Variants in MAGI1 observed in about 807,000 individuals in gnomAD.
MAGI1 encodes the protein membrane associated guanylate kinase, WW and PDZ domain containing 1.
A neutral mutation model predicts 139.9 loss-of-function variants in MAGI1; 58 were observed. That is an observed-to-expected ratio of 0.41 (90% CI 0.34 to 0.52). MAGI1 has a LOEUF of 0.52. Ranked by LOEUF, MAGI1 falls within the 20% of genes least tolerant of loss-of-function variation. The probability of loss-of-function intolerance (pLI) is 0.12; values close to 1 mark genes in which losing one functional copy is unlikely to be tolerated. For synonymous variants in MAGI1, 812 were observed against 737.9 expected (o/e 1.10, Z -1.63); for missense variants, 1,874 against 1,901.6 (o/e 0.99, Z 0.27).
At chr3:65,685,539 T>C (rs1162326451) in intron 1 of MAGI1, among the ~76,000 whole-genome samples, 1 of 152,224 alleles carries the variant, frequency 6.6e-6, no homozygotes, top group East Asian at 1.9e-4. Flanking sequence ...ACACACAATG[T>C]CAAAGAACGT....
chr3:65,783,803 C>A (rs1366395948), intron 1 of MAGI1, among the ~76,000 whole-genome samples: 14 of 129,800 alleles, frequency 1.1e-4, no homozygotes, highest in Admixed American at 2.4e-4. Flanking sequence ...CAGCCTGTAC[C>A]AAAAAAAAAA....
Position 65,437,163 on chromosome 3 carries a change from G to A in MAGI1, c.1355C>T (p.Pro452Leu). ...AAAGACAAGTACTTTACCCTGAAGT[G>A]GAACTTCTCTGGCTGGCTCTGGATT... ...PSNPEPAREV[P>L]LQGKPFFTRN... The change falls in exon 10 of 23, where the codon CCA becomes CTA. Residue 452 changes from proline (P) to leucine (L), a missense_variant. Physicochemically the swap from Pro to Leu is moderately conservative, Grantham distance 98 (BLOSUM62 -3). Transcript: ENST00000402939. 6.2e-7 allele frequency: 1 copy of A among 1,602,554 alleles called. No individual in the cohort carries two copies. Among genetic ancestry groups the A allele is most frequent in the East Asian group, 2.2e-5 (1 of 44,740 alleles).
At chr3:65,950,068 A>AAAAAAAAAC (rs2063738591) in intron 1 of MAGI1, among the ~76,000 whole-genome samples, 4 of 4,816 alleles carry the variant, frequency 8.3e-4, no homozygotes, top group Admixed American at 4.4e-3. Context: ...ACAAAAAAAC[A>AAAAAAAAAC]AAAAAAAAAC....
chr3:65,621,407 G>C (rs770953458), intron 2 of MAGI1, among the ~76,000 whole-genome samples: 21 of 152,196 alleles, frequency 1.4e-4, no homozygotes, highest in Admixed American at 3.9e-4. Context: ...ATGGTTTGGG[G>C]GTTTGGATTT....
chr3:65,558,836 A>G (rs1372549867), intron 2 of MAGI1, among the ~76,000 whole-genome samples: 1 of 152,220 alleles, frequency 6.6e-6, no homozygotes, highest in African/African-American at 2.4e-5. Flanking sequence ...TATGTCACCT[A>G]AAACCCCTTC....
At chr3:65,692,393 T>C (rs1341498908) in intron 1 of MAGI1, among the ~76,000 whole-genome samples, 1 of 152,180 alleles carries the variant, frequency 6.6e-6, no homozygotes, top group Non-Finnish European at 1.5e-5. Flanking sequence ...CCTCCCCTCA[T>C]GTTATGGGTG....
chr3:65,772,813 G>T (rs922485189), intron 1 of MAGI1, among the ~76,000 whole-genome samples: 2 of 152,198 alleles, frequency 1.3e-5, no homozygotes, highest in African/African-American at 4.8e-5. Context: ...TACTGCACAG[G>T]CTGATGAGAA....
intron 2 of MAGI1, among the ~76,000 whole-genome samples, chr3:65,584,831 A>T (rs368033214): frequency 3.4e-4 from 52 of 152,210 alleles, no homozygotes; most frequent in African/African-American, 1.1e-3. Flanking sequence ...TCATTCATTT[A>T]TCCATTCGAC....
intron 1 of MAGI1, among the ~76,000 whole-genome samples, chr3:65,823,631 G>A (rs1170975908): frequency 6.6e-6 from 1 of 152,126 alleles, no homozygotes; most frequent in East Asian, 1.9e-4. Context: ...ACACCTCCAG[G>A]TGGCTTCTCC....
At chr3:66,005,906 G>C (rs2066989065) in intron 1 of MAGI1, among the ~76,000 whole-genome samples, 1 of 152,148 alleles carries the variant, frequency 6.6e-6, no homozygotes, top group East Asian at 1.9e-4. Flanking sequence ...CTTCCAATAA[G>C]ATTGCAATCA....
intron 1 of MAGI1, among the ~76,000 whole-genome samples, chr3:65,838,642 A>C (rs188852093): frequency 6.6e-6 from 1 of 152,342 alleles, no homozygotes; most frequent in Admixed American, 6.5e-5. Flanking sequence ...CAGCTGTTGT[A>C]GCACACTTTA....
At chr3:65,909,466 T>C (rs979856294) in intron 1 of MAGI1, among the ~76,000 whole-genome samples, 1 of 147,184 alleles carries the variant, frequency 6.8e-6, no homozygotes, top group African/African-American at 2.5e-5. Flanking sequence ...GCCTGGGAGG[T>C]TGAAGCTGCA....
chr3:65,817,094 G>T (rs1418685440), intron 1 of MAGI1, among the ~76,000 whole-genome samples: 1 of 152,082 alleles, frequency 6.6e-6, no homozygotes, highest in Non-Finnish European at 1.5e-5. Flanking sequence ...ATAAAAATTT[G>T]TTTCCTACTT....
rs1356880073 is a variant in MAGI1 at position 65,674,338 on chromosome 3, G to A, written c.314-52250C>T. Among the ~76,000 whole-genome samples the A allele has an allele frequency of 2.0e-5, 3 of 152,272 alleles. No individual in the cohort carries two copies. The South Asian group carries it at 6.2e-4, about 32-fold the overall frequency. ...ACCTTTGGTTAAGATTCTTGCCAAA[G>A]CTGAAGAATTCAAGCCCTCAAATGT... is the stretch of plus-strand genomic sequence containing the variant. On this transcript the variant is annotated intron_variant, in intron 1 of 22. Transcript: ENST00000402939.
chr3:66,031,091 A>G (rs2068565031), intron 1 of MAGI1, among the ~76,000 whole-genome samples: 2 of 152,216 alleles, frequency 1.3e-5, no homozygotes, highest in Admixed American at 1.3e-4. Flanking sequence ...ACCAGTGTGT[A>G]CTAGGGATTT....
chr3:65,935,664 T>G (rs759205048), intron 1 of MAGI1, among the ~76,000 whole-genome samples: 2 of 152,192 alleles, frequency 1.3e-5, no homozygotes, highest in Non-Finnish European at 2.9e-5. Context: ...CCTTTGAATT[T>G]TGGCTGGCCT....
intron 1 of MAGI1, among the ~76,000 whole-genome samples, chr3:65,675,690 T>G (rs1049999147): frequency 6.6e-6 from 1 of 152,164 alleles, no homozygotes; most frequent in Admixed American, 6.5e-5. Context: ...TACCTCTAGT[T>G]TATGAATTTC....
intron 1 of MAGI1, among the ~76,000 whole-genome samples, chr3:65,791,762 A>G (rs2039790017): frequency 6.6e-6 from 1 of 152,140 alleles, no homozygotes; most frequent in African/African-American, 2.4e-5. Flanking sequence ...CAAATTTTCT[A>G]CGTTGAATAT....
chr3:66,031,721 T>G (rs903694955), intron 1 of MAGI1, among the ~76,000 whole-genome samples: 4 of 151,904 alleles, frequency 2.6e-5, no homozygotes, highest in African/African-American at 9.7e-5. Context: ...AAAGTACAAT[T>G]TAAGAGCGAG....
Sources: allele counts gnomAD v4.1 joint callset (sites outside exome capture counted in the v4.1 genomes callset), GRCh38; gene constraint gnomAD v4.1.1; transcripts MANE v1.5; gene names NCBI Gene and HGNC (gene_info 2026-07-23, HGNC 2026-07-21).